The following DNAH14 variants were observed in gnomAD, a reference collection of about 807,000 sequenced individuals.
DNAH14 encodes the protein dynein axonemal heavy chain 14, also known as axonemal beta dynein heavy chain 14.
DNAH14 carries 478 observed loss-of-function variants against 520.9 expected under a neutral mutation model. The observed-to-expected ratio is 0.92, with a 90% CI of 0.85 to 0.99. The LOEUF (loss-of-function observed/expected upper bound fraction) is 0.99. DNAH14 is among the 50% of genes least tolerant of loss of function. The pLI, the probability that DNAH14 is intolerant of heterozygous loss-of-function variation, is 0.00. For synonymous variants in DNAH14, 1,581 were observed against 1,757.2 expected (o/e 0.90, Z 2.51); for missense variants, 4,831 against 5,234.5 (o/e 0.92, Z 2.38).
chr1:225,108,222 C>T (rs559127750), intron 23 of DNAH14, among the ~76,000 whole-genome samples: 1 of 152,300 alleles, frequency 6.6e-6, no homozygotes, highest in East Asian at 1.9e-4. Flanking sequence ...AGCTTTTGGA[C>T]TCTTGGACTT....
intron 44 of DNAH14, among the ~76,000 whole-genome samples, chr1:225,255,384 T>C (rs2092698525): frequency 6.6e-6 from 1 of 152,120 alleles, no homozygotes; most frequent in Admixed American, 6.6e-5. Context: ...ATTAAGGATG[T>C]CAGAAATCAA....
rs2094503459 is a variant in DNAH14, at chr1:225,318,445, A to C, written c.9241-138A>C. On this transcript the variant is annotated intron_variant, in intron 60 of 85. Transcript: ENST00000682510. The stretch of plus-strand genomic sequence containing the variant: ...CAACAGTACAAGCATGTGTGCACAT[A>C]TCTAAGTCATAAAAGATGCATAACT... The C allele has an allele frequency of 1.9e-5, 14 of 725,866 alleles. No homozygotes were observed. The South Asian group carries it at 2.9e-4, about 15-fold the overall frequency. 45.0% of individuals were successfully genotyped at this position (725,866 alleles called of 1,614,324 possible). A position where few individuals can be genotyped will look rare whatever the true frequency, so the allele number is the denominator to read the frequency against.
chr1:225,163,942 G>T (rs1847906), intron 35 of DNAH14, among the ~76,000 whole-genome samples: 1 of 151,822 alleles, frequency 6.6e-6, no homozygotes, highest in African/African-American at 2.4e-5. Flanking sequence ...CATGTATCAG[G>T]GTTTCCTATA....
At chr1:225,132,408 C>T (rs889667458) in intron 27 of DNAH14, among the ~76,000 whole-genome samples, 1 of 151,952 alleles carries the variant, frequency 6.6e-6, no homozygotes, top group African/African-American at 2.4e-5. Context: ...TGCCACCCCC[C>T]ACCCCATGTG....
intron 36 of DNAH14, among the ~76,000 whole-genome samples, chr1:225,176,603 T>A (rs973939723): frequency 2.1e-5 from 3 of 143,226 alleles, no homozygotes; most frequent in African/African-American, 7.7e-5. Context: ...CATCTTGAAT[T>A]CCGTGTTGTG....
At chr1:225,128,113 C>T (rs963253160) in intron 27 of DNAH14, among the ~76,000 whole-genome samples, 1 of 152,088 alleles carries the variant, frequency 6.6e-6, no homozygotes, top group Non-Finnish European at 1.5e-5. Context: ...TGTGGGTAAC[C>T]CGACCGTTCT....
chr1:224,958,868 A>G (rs2125544595), intron 3 of DNAH14, among the ~76,000 whole-genome samples: 1 of 152,236 alleles, frequency 6.6e-6, no homozygotes, highest in East Asian at 1.9e-4. Context: ...GGCAATTGGT[A>G]CTTATCAATG....
chr1:225,201,579 C>T (rs921600634), intron 38 of DNAH14, among the ~76,000 whole-genome samples: 3 of 152,122 alleles, frequency 2.0e-5, no homozygotes. Flanking sequence ...GTACTCTCCC[C>T]CTTTTCCTAG....
At position 224,960,155 on chromosome 1, in the gene DNAH14, T is replaced by C. The variant is rs1004234409; in HGVS notation, c.220T>C (p.Tyr74His). The C allele has an allele frequency of 1.3e-6, 2 of 1,572,952 alleles. No individual in the cohort carries two copies. The highest frequency in any genetic ancestry group is 2.7e-5 in the African/African-American group (2 of 72,808). Residue 74 changes from tyrosine to histidine, a missense_variant and splice_region_variant, in exon 4 of 86, where the codon TAC (tyrosine) becomes CAC (histidine). Coordinates refer to ENST00000682510, the MANE Select transcript of DNAH14 (RefSeq NM_001367479.1). ...ESLKSEKTEDYLRESIIQQHM... is the reference protein window; with the variant it reads ...ESLKSEKTEDHLRESIIQQHM... Reference sequence around the variant, plus strand: ...GTTAATAATGGTTTTATTTTCAGATTACCTTAGAGAAAGTATAATTCAACA... The same window carrying C: ...GTTAATAATGGTTTTATTTTCAGATCACCTTAGAGAAAGTATAATTCAACA...
At chr1:225,059,430 G>C (rs1354343851) in intron 17 of DNAH14, among the ~76,000 whole-genome samples, 1 of 152,136 alleles carries the variant, frequency 6.6e-6, no homozygotes, top group African/African-American at 2.4e-5. Context: ...CTCTGCACAT[G>C]AGATGGGTTT....
At chr1:225,191,645 T>C (rs1295300098) in intron 37 of DNAH14, among the ~76,000 whole-genome samples, 1 of 152,008 alleles carries the variant, frequency 6.6e-6, no homozygotes, top group East Asian at 1.9e-4. Flanking sequence ...TTTTCTACTT[T>C]TTCTCTCTTT....
At chr1:225,067,028 G>A (rs1364996241) in intron 17 of DNAH14, among the ~76,000 whole-genome samples, 1 of 152,010 alleles carries the variant, frequency 6.6e-6, no homozygotes, top group African/African-American at 2.4e-5. Flanking sequence ...TTGTTACATA[G>A]GTAAACATGT....
rs1223582011 is a variant in DNAH14 at position 225,104,324 on chromosome 1, A to C, written c.3867+3440A>C. On this transcript the variant is annotated intron_variant, in intron 23 of 85. Coordinates refer to ENST00000682510, the MANE Select transcript of DNAH14 (RefSeq NM_001367479.1). The stretch of plus-strand genomic sequence containing the variant: ...GAGGATTTTTGCATTGATGTTCATC[A>C]GGGATATTGGTCTAAAATTCTCTTT... Among the ~76,000 whole-genome samples the C allele has an allele frequency of 2.0e-5, 3 of 152,180 alleles. No homozygotes were observed. The East Asian group carries it at 5.8e-4, about 29-fold the overall frequency.
intron 43 of DNAH14, among the ~76,000 whole-genome samples, chr1:225,252,059 G>A (rs1467642422): frequency 6.6e-6 from 1 of 152,070 alleles, no homozygotes; most frequent in African/African-American, 2.4e-5. Context: ...AAGATTTCAA[G>A]GAATATCAGA....
intron 43 of DNAH14, chr1:225,250,703 T>C: frequency 1.8e-6 from 1 of 548,066 alleles, no homozygotes; most frequent in Non-Finnish European, 3.4e-6. Context: ...AAAGGGGAAC[T>C]GTGGGCAAGT....
intron 27 of DNAH14, among the ~76,000 whole-genome samples, chr1:225,135,466 G>C (rs76486704): frequency 0.069 from 10,526 of 152,226 alleles, 585 homozygotes; most frequent in East Asian, 0.24. Context: ...GTATGGTTTT[G>C]AGTGGATTTC....
At chr1:225,257,536 T>TTTTTCTTTC (rs1330718751) in intron 44 of DNAH14, among the ~76,000 whole-genome samples, 1 of 151,964 alleles carries the variant, frequency 6.6e-6, no homozygotes, top group Non-Finnish European at 1.5e-5. Flanking sequence ...TCTTTTCTTT[T>TTTTTCTTTC]TTTTCTTTCT....
intron 17 of DNAH14, among the ~76,000 whole-genome samples, chr1:225,055,286 A>G (rs1247953909): frequency 6.6e-6 from 1 of 152,142 alleles, no homozygotes; most frequent in East Asian, 1.9e-4. Context: ...GAGATGTTGG[A>G]ACAAACTAAC....
At chr1:224,996,284 G>A (rs2063387377) in intron 8 of DNAH14, among the ~76,000 whole-genome samples, 1 of 151,726 alleles carries the variant, frequency 6.6e-6, no homozygotes. Flanking sequence ...TTCCTGAGTA[G>A]CTGAGACCAC....
Sources: gnomAD v4.1 joint callset for allele counts (sites outside exome capture counted in the v4.1 genomes callset) on GRCh38, gnomAD v4.1.1 for gene constraint, MANE v1.5 for transcripts, NCBI Gene and HGNC (gene_info 2026-07-23, HGNC 2026-07-21) for gene names.